PLEKHA7: variants seen among roughly 807,000 people sequenced by gnomAD.
PLEKHA7 encodes the protein pleckstrin homology domain-containing family A member 7.
In PLEKHA7, 104 loss-of-function variants were observed where a neutral mutation model predicts 170.0. That is an observed-to-expected ratio of 0.61 (90% CI 0.52 to 0.72). PLEKHA7 has a LOEUF of 0.72. Ranked by LOEUF, PLEKHA7 falls within the 30% of genes least tolerant of loss-of-function variation. The pLI is 0.00. For synonymous variants in PLEKHA7, 648 were observed against 660.8 expected, an observed-to-expected ratio of 0.98 and a Z score of 0.30; for missense variants, 1,615 against 1,671.7, an observed-to-expected ratio of 0.97 and a Z score of 0.59.
intron 3 of PLEKHA7, among the ~76,000 whole-genome samples, chr11:16,899,137 T>C (rs1590534403): frequency 6.6e-6 from 1 of 152,330 alleles, no homozygotes; most frequent in Non-Finnish European, 1.5e-5. Context: ...GATGGTGTTT[T>C]CTAGAGTAAA....
chr11:16,859,675 C>T (rs1273159082), intron 4 of PLEKHA7, among the ~76,000 whole-genome samples: 1 of 152,202 alleles, frequency 6.6e-6, no homozygotes, highest in Non-Finnish European at 1.5e-5. Context: ...AATGATTTGT[C>T]CTCAACTCCT....
chr11:17,005,349 T>C (rs1004088009), intron 3 of PLEKHA7, among the ~76,000 whole-genome samples: 6 of 152,038 alleles, frequency 3.9e-5, no homozygotes, highest in Admixed American at 3.9e-4. Context: ...CTGGCCAACA[T>C]GGTGAAACCC....
In PLEKHA7 at chr11:16,868,820, C is replaced by T. The variant is rs376910145; in HGVS notation, c.305+2279G>A. Among the ~76,000 whole-genome samples, 5 of 152,120 alleles carry T rather than the reference C, an allele frequency of 3.3e-5. No individual in the cohort carries two copies. In the East Asian group the frequency reaches 5.8e-4, roughly 18 times the overall value. ...ATTGAAATTAACTACAGGGATGTTT[C>T]GGTAGTAGGAAAGAGGCTACCTTCT... On this transcript the variant is annotated intron_variant, in intron 4 of 26. Transcript: ENST00000531066.
At chr11:16,925,287 G>C (rs905719758) in intron 3 of PLEKHA7, among the ~76,000 whole-genome samples, 4 of 152,172 alleles carry the variant, frequency 2.6e-5, no homozygotes, top group Admixed American at 6.5e-5. Context: ...AAACAACAAC[G>C]GCTCCCTTGG....
intron 3 of PLEKHA7, among the ~76,000 whole-genome samples, chr11:16,974,182 C>T (rs148595921): frequency 1.3e-5 from 2 of 151,784 alleles, no homozygotes; most frequent in African/African-American, 4.8e-5. Flanking sequence ...GGGAGGATTA[C>T]CTGAGCCCAG....
At chr11:16,787,182 C>T (rs899054598) in intron 23 of PLEKHA7, 3 of 985,452 alleles carry the variant, frequency 3.0e-6, no homozygotes, top group Non-Finnish European at 3.6e-6. Flanking sequence ...TCCTCACAGG[C>T]CTTTGACCGC....
At chr11:16,976,849 A>G (rs776446478) in intron 3 of PLEKHA7, among the ~76,000 whole-genome samples, 8 of 152,222 alleles carry the variant, frequency 5.3e-5, no homozygotes, top group Non-Finnish European at 8.8e-5. Flanking sequence ...CCATAAGCCT[A>G]GCTCATGTGC....
At chr11:16,864,512 C>A (rs1264746096) in intron 4 of PLEKHA7, among the ~76,000 whole-genome samples, 1 of 152,180 alleles carries the variant, frequency 6.6e-6, no homozygotes, top group Non-Finnish European at 1.5e-5. Flanking sequence ...TGTGTTCCCA[C>A]CCAAATTTCA....
intron 3 of PLEKHA7, among the ~76,000 whole-genome samples, chr11:16,942,694 G>A (rs762629957): frequency 3.9e-5 from 6 of 152,240 alleles, no homozygotes; most frequent in Non-Finnish European, 7.3e-5. Context: ...ATAGCAGTTT[G>A]ATTCCAAGCC....
chr11:16,830,904 A>G (rs372079712), intron 9 of PLEKHA7, among the ~76,000 whole-genome samples: 5 of 152,352 alleles, frequency 3.3e-5, no homozygotes, highest in African/African-American at 9.6e-5. Flanking sequence ...TAATTTAACC[A>G]TAATTCTTAG....
chr11:16,914,698 A>G (rs1171552151), intron 3 of PLEKHA7, among the ~76,000 whole-genome samples: 1 of 152,186 alleles, frequency 6.6e-6, no homozygotes, highest in East Asian at 1.9e-4. Context: ...GTTCACCACT[A>G]TTTATCAATG....
chr11:17,005,398 G>C lies in PLEKHA7; in HGVS notation c.221+8591C>G, dbSNP rs759081649. 7.2e-5 allele frequency among the ~76,000 whole-genome samples: 11 copies of C among 152,166 alleles called. 1 individual carries two copies. The highest frequency in any genetic ancestry group is 1.2e-4 in the Non-Finnish European group (8 of 68,036). ...GATACAAAAATTAGCCAGGCGTGGTGGTGGGTGTCTGTAATCCCAGCTACC... is the reference window on the plus strand; with the variant it reads ...GATACAAAAATTAGCCAGGCGTGGTCGTGGGTGTCTGTAATCCCAGCTACC... On this transcript the variant is annotated intron_variant, in intron 3 of 26. Coordinates refer to ENST00000531066, the MANE Select transcript of PLEKHA7 (RefSeq NM_001329630.2).
intron 3 of PLEKHA7, among the ~76,000 whole-genome samples, chr11:16,946,483 G>T (rs1327138772): frequency 6.6e-6 from 1 of 152,098 alleles, no homozygotes; most frequent in Non-Finnish European, 1.5e-5. Flanking sequence ...ATATTTTTAG[G>T]GTTTGGGAAT....
chr11:16,796,850 A>T (rs1250424553), intron 17 of PLEKHA7, among the ~76,000 whole-genome samples: 1 of 152,056 alleles, frequency 6.6e-6, no homozygotes, highest in Non-Finnish European at 1.5e-5. Flanking sequence ...CAGTTTTTGT[A>T]GAGACAGGGG....
At chr11:16,782,114 CACAG>C (rs1849068111) in intron 26 of PLEKHA7, among the ~76,000 whole-genome samples, 1 of 151,866 alleles carries the variant, frequency 6.6e-6, no homozygotes, top group Non-Finnish European at 1.5e-5. Flanking sequence ...CACACAGACA[CACAG>C]ACACACATAC....
intron 3 of PLEKHA7, among the ~76,000 whole-genome samples, chr11:16,932,346 T>C (rs1860000766): frequency 6.7e-6 from 1 of 149,014 alleles, no homozygotes; most frequent in Non-Finnish European, 1.5e-5. Flanking sequence ...GGCATGACCA[T>C]AGGTCACTGC....
At chr11:16,877,117 T>C (rs141008394) in intron 3 of PLEKHA7, among the ~76,000 whole-genome samples, 168 of 152,320 alleles carry the variant, frequency 1.1e-3, no homozygotes, top group African/African-American at 4.0e-3. Context: ...GATCTTCTCA[T>C]TGGTATGCTC....
intron 3 of PLEKHA7, among the ~76,000 whole-genome samples, chr11:16,978,422 A>G (rs2136809492): frequency 6.6e-6 from 1 of 152,346 alleles, no homozygotes; most frequent in Non-Finnish European, 1.5e-5. Context: ...AATCACAGGG[A>G]AAGAGGTGTA....
At chr11:16,969,532 T>C (rs1565166101) in intron 3 of PLEKHA7, among the ~76,000 whole-genome samples, 3 of 152,166 alleles carry the variant, frequency 2.0e-5, no homozygotes, top group African/African-American at 7.2e-5. Context: ...TGCAATATGA[T>C]GGACATGCAT....
Sources: gnomAD v4.1 joint callset for allele counts (sites outside exome capture counted in the v4.1 genomes callset) on GRCh38, gnomAD v4.1.1 for gene constraint, MANE v1.5 for transcripts, NCBI Gene and HGNC (gene_info 2026-07-23, HGNC 2026-07-21) for gene names.